The following ZFAND3 variants were observed in gnomAD, a reference collection of about 807,000 sequenced individuals.
ZFAND3 encodes the protein AN1-type zinc finger protein 3.
ZFAND3 carries 10 observed loss-of-function variants against 29.6 expected under a neutral mutation model. The observed-to-expected ratio is 0.34, with a 90% CI of 0.21 to 0.57. The LOEUF (loss-of-function observed/expected upper bound fraction) is 0.57. Among genes scored for constraint, ZFAND3 ranks in the 20% least tolerant of loss-of-function variants. The pLI is 0.86. For synonymous variants in ZFAND3, 128 were observed against 112.6 expected (o/e 1.14, Z -0.87); for missense variants, 230 against 304.5 (o/e 0.76, Z 1.82).
intron 2 of ZFAND3, among the ~76,000 whole-genome samples, chr6:38,010,169 C>G (rs1251832520): frequency 1.3e-5 from 2 of 152,218 alleles, no homozygotes; most frequent in Non-Finnish European, 2.9e-5. Flanking sequence ...CAGCCCTGGA[C>G]AGGGCACCAT....
Position 38,018,788 on chromosome 6 carries a change from T to C in ZFAND3, c.113-42805T>C, listed in dbSNP as rs12660773. 0.017 allele frequency among the ~76,000 whole-genome samples: 2,526 copies of C among 152,288 alleles called. 250 individuals are homozygous for C. The East Asian group carries it at 0.28, about 17-fold the overall frequency. ...GGTACTTTGTACATGCAAGATTATA[T>C]CTGTAAGATCAACTCTTTGATGTAG... On this transcript the variant is annotated intron_variant, in intron 2 of 5. Coordinates refer to ENST00000287218, the MANE Select transcript of ZFAND3 (RefSeq NM_021943.3).
chr6:37,922,701 C>T (rs973645037), intron 1 of ZFAND3, among the ~76,000 whole-genome samples: 2 of 152,098 alleles, frequency 1.3e-5, no homozygotes, highest in Non-Finnish European at 2.9e-5. Context: ...GAACATGTTA[C>T]TATATTGAAT....
intron 1 of ZFAND3, among the ~76,000 whole-genome samples, chr6:37,882,370 A>G (rs984128318): frequency 2.0e-5 from 3 of 151,986 alleles, no homozygotes; most frequent in African/African-American, 2.4e-5. Flanking sequence ...CGCCCCCCCA[A>G]TTCTCTTCCT....
intron 2 of ZFAND3, among the ~76,000 whole-genome samples, chr6:37,931,421 T>C (rs968878356): frequency 2.6e-5 from 4 of 152,036 alleles, no homozygotes; most frequent in African/African-American, 9.7e-5. Context: ...GGTGTGCACC[T>C]GTAGTCCCAG....
intron 2 of ZFAND3, among the ~76,000 whole-genome samples, chr6:38,045,697 G>T (rs1030671309): frequency 2.0e-5 from 3 of 152,076 alleles, no homozygotes; most frequent in Non-Finnish European, 4.4e-5. Flanking sequence ...AATAAGAGTA[G>T]TTGAGTAAAA....
intron 1 of ZFAND3, among the ~76,000 whole-genome samples, chr6:37,862,541 A>T (rs1393702854): frequency 6.6e-6 from 1 of 151,242 alleles, no homozygotes; most frequent in Non-Finnish European, 1.5e-5. Context: ...AAGAAAAAGC[A>T]GGCATGGTGG....
intron 2 of ZFAND3, among the ~76,000 whole-genome samples, chr6:38,049,913 G>A (rs867982177): frequency 4.9e-4 from 6 of 12,146 alleles, no homozygotes; most frequent in Non-Finnish European, 7.6e-4. Flanking sequence ...CACCCACCCC[G>A]TCTTCATTCA....
At chr6:37,862,291 A>C (rs1017487601) in intron 1 of ZFAND3, among the ~76,000 whole-genome samples, 1 of 152,168 alleles carries the variant, frequency 6.6e-6, no homozygotes, top group African/African-American at 2.4e-5. Context: ...ATGGTACAGT[A>C]GACGGCCTCA....
At chr6:38,018,616 G>A (rs913378016) in intron 2 of ZFAND3, among the ~76,000 whole-genome samples, 11 of 151,860 alleles carry the variant, frequency 7.2e-5, no homozygotes, top group African/African-American at 1.7e-4. Flanking sequence ...ATTTCGTATC[G>A]GTACCAATGC....
intron 1 of ZFAND3, among the ~76,000 whole-genome samples, chr6:37,853,894 G>A (rs1764328543): frequency 6.6e-6 from 1 of 152,150 alleles, no homozygotes; most frequent in Non-Finnish European, 1.5e-5. Flanking sequence ...TAATAAGAAT[G>A]TATTTTTAGT....
At chr6:38,094,799 A>G (rs188971737) in intron 4 of ZFAND3, among the ~76,000 whole-genome samples, 183 of 152,298 alleles carry the variant, frequency 1.2e-3, no homozygotes, top group Non-Finnish European at 1.2e-3. Context: ...ATACAGGTTG[A>G]GTATCCCTTT....
At chr6:37,938,752 G>A (rs961364506) in intron 2 of ZFAND3, among the ~76,000 whole-genome samples, 1 of 152,142 alleles carries the variant, frequency 6.6e-6, no homozygotes, top group Non-Finnish European at 1.5e-5. Flanking sequence ...ATGAAGCAGT[G>A]TGTTAAAGAT....
intron 2 of ZFAND3, among the ~76,000 whole-genome samples, chr6:38,035,653 G>A (rs1238216374): frequency 6.6e-6 from 1 of 152,048 alleles, no homozygotes; most frequent in East Asian, 1.9e-4. Flanking sequence ...TTCTTTTTCT[G>A]TAATATGAAC....
chr6:37,870,479 A>G (rs528808371), intron 1 of ZFAND3, among the ~76,000 whole-genome samples: 194 of 151,456 alleles, frequency 1.3e-3, no homozygotes, highest in African/African-American at 4.5e-3. Flanking sequence ...GCACGCGCCA[A>G]TCCCAGCTAC....
At chr6:38,097,858 A>G (rs1765012936) in intron 4 of ZFAND3, among the ~76,000 whole-genome samples, 1 of 152,210 alleles carries the variant, frequency 6.6e-6, no homozygotes, top group Non-Finnish European at 1.5e-5. Flanking sequence ...GAGGCCAGTC[A>G]GATTGGAGAA....
chr6:37,843,412 G>A (rs1249471827), intron 1 of ZFAND3, among the ~76,000 whole-genome samples: 14 of 151,378 alleles, frequency 9.2e-5, no homozygotes, highest in African/African-American at 2.2e-4. Context: ...GCTTGAACCC[G>A]GGAGGCGGAG....
chr6:38,043,075 A>C (rs1227981348), intron 2 of ZFAND3, among the ~76,000 whole-genome samples: 2 of 152,190 alleles, frequency 1.3e-5, no homozygotes, highest in African/African-American at 4.8e-5. Context: ...TCTAATATAC[A>C]CATAAGTGTG....
At chr6:38,118,470 TC>T (rs1298031233) in intron 5 of ZFAND3, among the ~76,000 whole-genome samples, 1 of 152,076 alleles carries the variant, frequency 6.6e-6, no homozygotes, top group Non-Finnish European at 1.5e-5. Flanking sequence ...TTTTGGTTGT[TC>T]CTCAGTTAGA....
chr6:38,061,681 C>G lies in ZFAND3; in HGVS notation c.201C>G (p.Asp67Glu). The change falls in exon 3 of 6, where the codon GAC (aspartate) becomes GAG (glutamate). Residue 67 changes from aspartate (D) to glutamate (E), a missense_variant. Asp to Glu is a conservative substitution (Grantham distance 45). Coordinates refer to ENST00000287218, the MANE Select transcript of ZFAND3 (RefSeq NM_021943.3). ...SDLFSEETTS[D>E]NNNTSITTPT... ...TGTTTTCCGAAGAGACCACCAGTGA[C>G]AACAACAATACCTCGATAACCACGC... 15 of 1,614,156 alleles carry G rather than the reference C, an allele frequency of 9.3e-6. No individual in the cohort carries two copies. The highest frequency in any genetic ancestry group is 1.3e-5 in the Non-Finnish European group (15 of 1,180,022).
Sources: allele counts gnomAD v4.1 joint callset (sites outside exome capture counted in the v4.1 genomes callset), GRCh38; gene constraint gnomAD v4.1.1; transcripts MANE v1.5; gene names NCBI Gene and HGNC (gene_info 2026-07-23, HGNC 2026-07-21).